Variants in FHIT observed in about 807,000 individuals in gnomAD.
FHIT encodes the protein bis(5'-adenosyl)-triphosphatase.
FHIT carries 19 observed loss-of-function variants against 17.9 expected under a neutral mutation model. The ratio of observed to expected loss-of-function variants is 1.06; its 90% confidence interval spans 0.74 to 1.56. The LOEUF is 1.56. Among genes scored for constraint, FHIT ranks in the 40% most tolerant of loss-of-function variants. The pLI is 0.00. For synonymous variants in FHIT, 81 were observed against 69.7 expected, an observed-to-expected ratio of 1.16 and a Z score of -0.81; for missense variants, 248 against 189.2, an observed-to-expected ratio of 1.31 and a Z score of -1.82.
At chr3:60,304,396 A>T (rs566587653) in intron 5 of FHIT, among the ~76,000 whole-genome samples, 1 of 152,108 alleles carries the variant, frequency 6.6e-6, no homozygotes, top group Non-Finnish European at 1.5e-5. Context: ...ACACCTCAGG[A>T]ACAAAAGCTT....
intron 5 of FHIT, among the ~76,000 whole-genome samples, chr3:60,103,539 T>C (rs933952254): frequency 1.4e-4 from 22 of 152,150 alleles, no homozygotes; most frequent in African/African-American, 5.3e-4. Context: ...AGGAGCTATA[T>C]GAATGTAAAA....
At chr3:60,336,970 T>C (rs1433658892) in intron 5 of FHIT, among the ~76,000 whole-genome samples, 1 of 150,596 alleles carries the variant, frequency 6.6e-6, no homozygotes, top group Non-Finnish European at 1.5e-5. Context: ...AGAGAGAAAA[T>C]AAAATCAGTG....
chr3:60,725,837 C>T (rs1553709368), intron 4 of FHIT, among the ~76,000 whole-genome samples: 2 of 152,110 alleles, frequency 1.3e-5, no homozygotes, highest in African/African-American at 2.4e-5. Flanking sequence ...TTAAGCACTA[C>T]ACATGCTTTA....
intron 5 of FHIT, among the ~76,000 whole-genome samples, chr3:60,376,893 G>C (rs1700585158): frequency 6.6e-6 from 1 of 152,176 alleles, no homozygotes; most frequent in Non-Finnish European, 1.5e-5. Context: ...TGTGTATAAA[G>C]CTACGAATTC....
At chr3:60,863,270 C>G (rs1553753107) in intron 3 of FHIT, among the ~76,000 whole-genome samples, 1 of 152,158 alleles carries the variant, frequency 6.6e-6, no homozygotes, top group Non-Finnish European at 1.5e-5. Flanking sequence ...CACAAAGAAC[C>G]AAATTCTGTC....
chr3:60,449,026 G>A (rs2031537856), intron 5 of FHIT, among the ~76,000 whole-genome samples: 1 of 152,102 alleles, frequency 6.6e-6, no homozygotes, highest in African/African-American at 2.4e-5. Context: ...TTCTAAGCTT[G>A]AATAAAGATC....
intron 5 of FHIT, among the ~76,000 whole-genome samples, chr3:60,427,664 CA>C (rs948036528): frequency 7.9e-5 from 12 of 152,076 alleles, no homozygotes; most frequent in Non-Finnish European, 1.5e-4. Context: ...CAACACTCTC[CA>C]AAGTGATTAT....
At chr3:61,214,849 C>T (rs2039619935) in intron 1 of FHIT, among the ~76,000 whole-genome samples, 1 of 152,106 alleles carries the variant, frequency 6.6e-6, no homozygotes, top group African/African-American at 2.4e-5. Flanking sequence ...AAGGCTGGTC[C>T]AATGTATGCA....
At chr3:61,106,231 A>G (rs959371661) in intron 2 of FHIT, among the ~76,000 whole-genome samples, 4 of 152,186 alleles carry the variant, frequency 2.6e-5, no homozygotes, top group African/African-American at 9.6e-5. Flanking sequence ...GTTTTAATAT[A>G]TGTATACATT....
rs533105839 is a variant in FHIT at position 60,797,722 on chromosome 3, C to T, written c.-18+24197G>A. On this transcript the variant is annotated intron_variant, in intron 4 of 9. Transcript: ENST00000492590. The stretch of plus-strand genomic sequence containing the variant: ...CATTGGCAACTAGATGGGCATTGAA[C>T]ACAAAACTAGAAATTGTTTTATTTT... Among the ~76,000 whole-genome samples the T allele has an allele frequency of 3.3e-5, 5 of 149,490 alleles. No homozygotes were observed. The South Asian group carries it at 1.1e-3, about 32-fold the overall frequency.
chr3:59,952,003 A>G (rs756298247), intron 7 of FHIT, among the ~76,000 whole-genome samples: 7 of 151,858 alleles, frequency 4.6e-5, no homozygotes, highest in African/African-American at 9.7e-5. Context: ...GCCTCCCCCA[A>G]ATTCCTCCTA....
intron 5 of FHIT, among the ~76,000 whole-genome samples, chr3:60,285,948 C>A (rs913321303): frequency 1.3e-5 from 2 of 152,124 alleles, no homozygotes; most frequent in African/African-American, 4.8e-5. Flanking sequence ...CACGGCTAGC[C>A]ACTCCACGTG....
At chr3:60,062,028 A>G (rs1477759446) in intron 5 of FHIT, among the ~76,000 whole-genome samples, 5 of 152,204 alleles carry the variant, frequency 3.3e-5, no homozygotes, top group Admixed American at 2.0e-4. Context: ...CCTGACTCAA[A>G]ATAAGGCAGC....
At chr3:60,378,412 T>C (rs1049766057) in intron 5 of FHIT, among the ~76,000 whole-genome samples, 8 of 152,212 alleles carry the variant, frequency 5.3e-5, no homozygotes, top group African/African-American at 9.6e-5. Flanking sequence ...CAGGAGGCAC[T>C]CTGCCTTGCA....
At chr3:59,868,647 T>C (rs1324906420) in intron 8 of FHIT, among the ~76,000 whole-genome samples, 5 of 152,186 alleles carry the variant, frequency 3.3e-5, no homozygotes, top group Admixed American at 3.3e-4. Flanking sequence ...ACAAGTTCTA[T>C]TCCTGAACTC....
At chr3:60,359,156 T>C (rs1210589642) in intron 5 of FHIT, among the ~76,000 whole-genome samples, 1 of 152,080 alleles carries the variant, frequency 6.6e-6, no homozygotes, top group Non-Finnish European at 1.5e-5. Flanking sequence ...GGTTGAGAAT[T>C]ACACAGCAGA....
chr3:60,187,746 C>CA (rs1455250001), intron 5 of FHIT, among the ~76,000 whole-genome samples: 15 of 152,138 alleles, frequency 9.9e-5, no homozygotes, highest in Admixed American at 3.3e-4. Context: ...TTCTGACAGT[C>CA]AAAGATGCTG....
Position 60,374,736 on chromosome 3 carries a change from T to C in FHIT, c.103+162124A>G, listed in dbSNP as rs140011030. ...GTGCAGCCCGAAGTCAAGATCAAAT[T>C]GCATACTCAATTTTTCCACCAACAT... On this transcript the variant is annotated intron_variant, in intron 5 of 9. Transcript: ENST00000492590. Among the ~76,000 whole-genome samples the C allele has an allele frequency of 4.6e-5, 7 of 152,108 alleles. No individual in the cohort carries two copies. In the East Asian group the frequency reaches 1.4e-3, roughly 29 times the overall value.
intron 3 of FHIT, among the ~76,000 whole-genome samples, chr3:60,970,652 C>A (rs1709966762): frequency 6.6e-6 from 1 of 151,988 alleles, no homozygotes. Context: ...AATATGATTT[C>A]TTGACTTATT....
Sources: gnomAD v4.1 joint callset for allele counts (sites outside exome capture counted in the v4.1 genomes callset) on GRCh38, gnomAD v4.1.1 for gene constraint, MANE v1.5 for transcripts, NCBI Gene and HGNC (gene_info 2026-07-23, HGNC 2026-07-21) for gene names.